The following ARHGAP24 variants were observed in gnomAD, a reference collection of about 807,000 sequenced individuals.
ARHGAP24 encodes the protein rho GTPase-activating protein 24.
A neutral mutation model predicts 76.4 loss-of-function variants in ARHGAP24; 50 were observed. That is an observed-to-expected ratio of 0.65 (90% CI 0.52 to 0.83). The LOEUF is 0.83. ARHGAP24 is among the 40% of genes least tolerant of loss of function. The pLI is 0.00. For missense variants in ARHGAP24, 930 were observed against 914.2 expected, an observed-to-expected ratio of 1.02 and a Z score of -0.22; for synonymous variants, 345 against 323.3, an observed-to-expected ratio of 1.07 and a Z score of -0.72.
chr4:85,733,060 C>CTTTT lies in ARHGAP24; in HGVS notation c.268+11106_268+11109dup, dbSNP rs1210109366. On this transcript the variant is annotated intron_variant, in intron 3 of 9. Transcript: ENST00000395184. Reference sequence around the variant, plus strand: ...CTATAGATCTTATAGGCCTCACCAACTTTTTTTTTTTTTTTTTTTTTGAGA... The same window carrying CTTTT: ...CTATAGATCTTATAGGCCTCACCAACTTTTTTTTTTTTTTTTTTTTTTTTTGAGA... Among the ~76,000 whole-genome samples the CTTTT allele has an allele frequency of 7.2e-4, 40 of 55,214 alleles. 16 individuals are homozygous for CTTTT. Among genetic ancestry groups the CTTTT allele is most frequent in the East Asian group, 2.3e-3 (4 of 1,734 alleles). 36.2% of individuals were successfully genotyped at this position (55,214 alleles called of 152,430 possible). A position where few individuals can be genotyped will look rare whatever the true frequency, so the allele number is the denominator to read the frequency against.
intron 2 of ARHGAP24, among the ~76,000 whole-genome samples, chr4:85,614,242 A>G (rs1720478887): frequency 6.6e-6 from 1 of 152,112 alleles, no homozygotes; most frequent in South Asian, 2.1e-4. Flanking sequence ...CACTATGGAG[A>G]TGGCCTGGCA....
chr4:85,643,829 TGTA>T (rs1433167146), intron 2 of ARHGAP24, among the ~76,000 whole-genome samples: 1 of 152,164 alleles, frequency 6.6e-6, no homozygotes, highest in East Asian at 1.9e-4. Flanking sequence ...CATTGTTATT[TGTA>T]GGGGCATATG....
intron 2 of ARHGAP24, among the ~76,000 whole-genome samples, chr4:85,713,346 GT>G (rs1237908362): frequency 6.8e-6 from 1 of 147,496 alleles, no homozygotes; most frequent in African/African-American, 2.7e-5. Flanking sequence ...ATATTTCTAT[GT>G]TTTTCTTAGT....
At chr4:85,895,735 T>A (rs1185154035) in intron 3 of ARHGAP24, among the ~76,000 whole-genome samples, 4 of 152,116 alleles carry the variant, frequency 2.6e-5, no homozygotes, top group Non-Finnish European at 4.4e-5. Context: ...TGAAGGGTGT[T>A]TTGTGAGAAT....
intron 5 of ARHGAP24, among the ~76,000 whole-genome samples, chr4:85,947,025 T>C (rs2136782): frequency 0.64 from 96,919 of 151,990 alleles, 31,796 homozygotes; most frequent in East Asian, 0.81. Flanking sequence ...AAAGCTATTC[T>C]GACTAGTGTG....
At chr4:85,957,680 A>T (rs568870974) in intron 5 of ARHGAP24, among the ~76,000 whole-genome samples, 3 of 152,358 alleles carry the variant, frequency 2.0e-5, no homozygotes, top group African/African-American at 7.2e-5. Flanking sequence ...TTTCCTTTAA[A>T]TGCTTGGCTT....
At chr4:85,581,305 G>C (rs1170619758) in intron 2 of ARHGAP24, among the ~76,000 whole-genome samples, 1 of 151,994 alleles carries the variant, frequency 6.6e-6, no homozygotes, top group Non-Finnish European at 1.5e-5. Flanking sequence ...AAGATTAATA[G>C]AATCAATTCT....
chr4:85,617,916 TG>T (rs1720593766), intron 2 of ARHGAP24, among the ~76,000 whole-genome samples: 1 of 152,358 alleles, frequency 6.6e-6, no homozygotes, highest in African/African-American at 2.4e-5. Flanking sequence ...TTTTGATATT[TG>T]TATACACTGT....
chr4:85,583,583 T>C (rs1727702278), intron 2 of ARHGAP24, among the ~76,000 whole-genome samples: 1 of 151,682 alleles, frequency 6.6e-6, no homozygotes, highest in African/African-American at 2.4e-5. Flanking sequence ...AAAGACAAAA[T>C]TGACAAATGG....
chr4:85,707,354 C>T (rs965954608), intron 2 of ARHGAP24, among the ~76,000 whole-genome samples: 1 of 152,040 alleles, frequency 6.6e-6, no homozygotes, highest in African/African-American at 2.4e-5. Flanking sequence ...TTTCCCTCAC[C>T]AGAGAAATGT....
chr4:85,613,139 T>A (rs940927088), intron 2 of ARHGAP24, among the ~76,000 whole-genome samples: 7 of 152,112 alleles, frequency 4.6e-5, no homozygotes, highest in African/African-American at 1.7e-4. Flanking sequence ...CTGAAGTTGG[T>A]GTGTGCAAAT....
chr4:85,560,254 T>C (rs1726541168), intron 1 of ARHGAP24, among the ~76,000 whole-genome samples: 1 of 151,616 alleles, frequency 6.6e-6, no homozygotes, highest in Admixed American at 6.6e-5. Flanking sequence ...ATTAAAGTAT[T>C]ATACATATAT....
chr4:85,831,527 T>C (rs1729992240), intron 3 of ARHGAP24, among the ~76,000 whole-genome samples: 1 of 152,228 alleles, frequency 6.6e-6, no homozygotes, highest in Non-Finnish European at 1.5e-5. Flanking sequence ...CCAACTCTTA[T>C]TCTTATACAA....
chr4:85,485,012 G>T (rs1287932804), intron 1 of ARHGAP24, among the ~76,000 whole-genome samples: 1 of 152,046 alleles, frequency 6.6e-6, no homozygotes, highest in Non-Finnish European at 1.5e-5. Flanking sequence ...TGCTAGAAAA[G>T]ACTTGAAGGT....
intron 2 of ARHGAP24, among the ~76,000 whole-genome samples, chr4:85,627,907 T>C (rs555641277): frequency 1.3e-5 from 2 of 152,170 alleles, no homozygotes; most frequent in Admixed American, 6.5e-5. Flanking sequence ...TGGTGTGCCG[T>C]TTTTTAAGCC....
chr4:85,921,557 A>T (rs2148810068), intron 3 of ARHGAP24, among the ~76,000 whole-genome samples: 1 of 151,794 alleles, frequency 6.6e-6, no homozygotes, highest in South Asian at 2.1e-4. Flanking sequence ...AAAAAAAAAG[A>T]TCACTGAGTT....
chr4:85,751,588 C>T (rs1726267559), intron 3 of ARHGAP24, among the ~76,000 whole-genome samples: 1 of 152,190 alleles, frequency 6.6e-6, no homozygotes, highest in Admixed American at 6.5e-5. Flanking sequence ...TTTCTAACAG[C>T]TGTTGAAACA....
intron 2 of ARHGAP24, among the ~76,000 whole-genome samples, chr4:85,676,876 C>T (rs1168183100): frequency 6.6e-6 from 1 of 152,132 alleles, no homozygotes; most frequent in African/African-American, 2.4e-5. Flanking sequence ...AAAGGATTCC[C>T]ATATTTCCTA....
chr4:85,577,542 AC>A (rs1266535460), intron 2 of ARHGAP24, among the ~76,000 whole-genome samples: 1 of 152,168 alleles, frequency 6.6e-6, no homozygotes, highest in East Asian at 1.9e-4. Flanking sequence ...AGGAGGCTGG[AC>A]TTGGAGCCTA....
Sources: gnomAD v4.1 joint callset for allele counts (sites outside exome capture counted in the v4.1 genomes callset) on GRCh38, gnomAD v4.1.1 for gene constraint, MANE v1.5 for transcripts, NCBI Gene and HGNC (gene_info 2026-07-23, HGNC 2026-07-21) for gene names.